The following ABHD6 variants were observed in gnomAD, a reference collection of about 807,000 sequenced individuals.
ABHD6 encodes the protein abhydrolase domain containing 6, acylglycerol lipase, also known as monoacylglycerol lipase ABHD6.
A neutral mutation model predicts 38.8 loss-of-function variants in ABHD6; 33 were observed. The observed-to-expected ratio is 0.85, with a 90% confidence interval of 0.64 to 1.14. ABHD6 has a LOEUF of 1.14. ABHD6 is among the 50% of genes most tolerant of loss of function. The pLI, the probability that ABHD6 is intolerant of heterozygous loss-of-function variation, is 0.00. For synonymous variants in ABHD6, 147 were observed against 161.6 expected (o/e 0.91, Z 0.69); for missense variants, 380 against 422.6 (o/e 0.90, Z 0.88).
At chr3:58,249,511 T>C (rs140813274) in intron 1 of ABHD6, among the ~76,000 whole-genome samples, 56 of 152,328 alleles carry the variant, frequency 3.7e-4, no homozygotes, top group African/African-American at 1.3e-3. Flanking sequence ...GGTTGCTGCC[T>C]TGCTTCCATT....
rs540769461 is a variant in ABHD6 at position 58,247,289 on chromosome 3, C to G, written c.-90-2589C>G. On this transcript the variant is annotated intron_variant, in intron 1 of 9. Transcript: ENST00000478253. ...AAGGTGCTGGGATTACAGGTGTGAG[C>G]CACGGTGCCTGGCCTCTTGAACTAG... Among the ~76,000 whole-genome samples the G allele has an allele frequency of 2.0e-5, 3 of 152,226 alleles. No homozygotes were observed. The East Asian group carries it at 5.8e-4, about 29-fold the overall frequency.
chr3:58,291,802 C>G (rs6764635), intron 9 of ABHD6, among the ~76,000 whole-genome samples: 119,150 of 152,036 alleles, frequency 0.78, 47,415 homozygotes, highest in East Asian at 1. Flanking sequence ...CTCAGTTTTG[C>G]CTGGGCATGA....
At chr3:58,290,318 G>A (rs1290309010) in intron 9 of ABHD6, among the ~76,000 whole-genome samples, 2 of 138,370 alleles carry the variant, frequency 1.4e-5, no homozygotes, top group African/African-American at 2.7e-5. Context: ...CCTCCCTCCC[G>A]GACGGGGCGG....
chr3:58,250,144 CAAATAGTTCTG>C (rs958363125), intron 2 of ABHD6, among the ~76,000 whole-genome samples: 3 of 152,134 alleles, frequency 2.0e-5, no homozygotes, highest in African/African-American at 7.2e-5. Flanking sequence ...AAGCCCCCTG[CAAATAGTTCTG>C]AAAGACTATG....
intron 1 of ABHD6, among the ~76,000 whole-genome samples, chr3:58,242,735 A>G (rs948428810): frequency 2.6e-5 from 4 of 152,088 alleles, no homozygotes; most frequent in Non-Finnish European, 5.9e-5. Context: ...TATTATTATT[A>G]TTATACTTTA....
At chr3:58,242,221 A>G (rs11130619) in intron 1 of ABHD6, among the ~76,000 whole-genome samples, 13,146 of 152,062 alleles carry the variant, frequency 0.086, 666 homozygotes, top group African/African-American at 0.14. Flanking sequence ...CAGGTGATAG[A>G]AGAAGATGAC....
At chr3:58,239,874 TGGTGG>T (rs1207353121) in intron 1 of ABHD6, among the ~76,000 whole-genome samples, 1 of 150,894 alleles carries the variant, frequency 6.6e-6, no homozygotes, top group Non-Finnish European at 1.5e-5. Flanking sequence ...TGTCTCGGTG[TGGTGG>T]GCTCACACCT....
At chr3:58,248,710 AAG>A (rs1169310916) in intron 1 of ABHD6, among the ~76,000 whole-genome samples, 3 of 152,090 alleles carry the variant, frequency 2.0e-5, no homozygotes, top group East Asian at 1.9e-4. Context: ...AAGAAAAAAA[AAG>A]AGAGAGATGA....
chr3:58,255,561 G>A (rs933809848), intron 2 of ABHD6, among the ~76,000 whole-genome samples: 2 of 151,186 alleles, frequency 1.3e-5, no homozygotes, highest in Non-Finnish European at 2.9e-5. Flanking sequence ...CTGGGCTCAA[G>A]TGATCCTCCC....
chr3:58,271,992 G>A (rs1016771919), intron 6 of ABHD6, among the ~76,000 whole-genome samples: 1 of 151,950 alleles, frequency 6.6e-6, no homozygotes, highest in Non-Finnish European at 1.5e-5. Flanking sequence ...CTTGAATCCT[G>A]TTGGCTAGGA....
chr3:58,253,416 A>T (rs2097431296), intron 2 of ABHD6, among the ~76,000 whole-genome samples: 1 of 152,310 alleles, frequency 6.6e-6, no homozygotes, highest in Non-Finnish European at 1.5e-5. Flanking sequence ...GTTCAAACAG[A>T]TCTGTACAGA....
chr3:58,290,933 G>A (rs879086012), intron 9 of ABHD6, among the ~76,000 whole-genome samples: 10 of 151,034 alleles, frequency 6.6e-5, no homozygotes, highest in Non-Finnish European at 1.5e-4. Context: ...CATCCCAGAC[G>A]ATGGGCGGCC....
In ABHD6 at chr3:58,261,798, C is replaced by G. The variant is rs115599955; in HGVS notation, c.119+5093C>G. On this transcript the variant is annotated intron_variant, in intron 3 of 9. Transcript: ENST00000478253. ...TGCTATGCACAAATTTGTCGGCTCC[C>G]CAGAAAGTTATACATTTAACGTAAC... is the stretch of plus-strand genomic sequence containing the variant. 8.0e-3 allele frequency among the ~76,000 whole-genome samples: 1,213 copies of G among 152,262 alleles called. 16 individuals carry two copies. Among genetic ancestry groups the G allele is most frequent in the African/African-American group, 0.024 (1,012 of 41,542 alleles).
chr3:58,277,342 G>T (rs142810596), intron 7 of ABHD6, among the ~76,000 whole-genome samples: 14,219 of 152,164 alleles, frequency 0.093, 779 homozygotes, highest in African/African-American at 0.13. Flanking sequence ...TCCCTTGTAA[G>T]TTGGATTCCT....
At chr3:58,291,737 A>T (rs1330706883) in intron 9 of ABHD6, among the ~76,000 whole-genome samples, 3 of 152,246 alleles carry the variant, frequency 2.0e-5, no homozygotes, top group Admixed American at 1.3e-4. Context: ...CCAGCAGCTC[A>T]TATGGGTATT....
intron 2 of ABHD6, among the ~76,000 whole-genome samples, chr3:58,250,672 T>G (rs1422032209): frequency 1.3e-5 from 2 of 152,098 alleles, no homozygotes; most frequent in Admixed American, 1.3e-4. Context: ...TTACCTTACA[T>G]TCCTAGTAAA....
At chr3:58,283,191 A>G (rs1226847717) in intron 7 of ABHD6, among the ~76,000 whole-genome samples, 2 of 152,044 alleles carry the variant, frequency 1.3e-5, no homozygotes, top group Admixed American at 1.3e-4. Flanking sequence ...GGCATGTTCC[A>G]CCCCTGAAAT....
intron 1 of ABHD6, among the ~76,000 whole-genome samples, chr3:58,247,049 T>G (rs1393163515): frequency 6.6e-6 from 1 of 151,866 alleles, no homozygotes; most frequent in African/African-American, 2.4e-5. Context: ...CTTTTTTTTT[T>G]TTTTTGAGAC....
chr3:58,292,068 C>G (rs565157964), intron 9 of ABHD6, among the ~76,000 whole-genome samples: 2 of 152,350 alleles, frequency 1.3e-5, no homozygotes, highest in East Asian at 3.9e-4. Flanking sequence ...TATTCCTGCT[C>G]AGTGGGTTGC....
Sources: gnomAD v4.1 joint callset for allele counts (sites outside exome capture counted in the v4.1 genomes callset) on GRCh38, gnomAD v4.1.1 for gene constraint, MANE v1.5 for transcripts, NCBI Gene and HGNC (gene_info 2026-07-23, HGNC 2026-07-21) for gene names.